UGT1A10: variants seen among roughly 807,000 people sequenced by gnomAD.
The protein encoded by UGT1A10 is UDP-glucuronosyltransferase 1A10.
UGT1A10 carries 49 observed loss-of-function variants against 45.8 expected under a neutral mutation model. The observed-to-expected ratio is 1.07, with a 90% CI of 0.85 to 1.36. The LOEUF is 1.36. UGT1A10 is among the 40% of genes most tolerant of loss of function. The pLI is 0.00. For synonymous variants in UGT1A10, 284 were observed against 249.7 expected, an observed-to-expected ratio of 1.14 and a Z score of -1.29; for missense variants, 745 against 668.6, an observed-to-expected ratio of 1.11 and a Z score of -1.26.
intron 1 of UGT1A10, chr2:233,747,090 C>T (rs999571843): frequency 1.8e-5 from 23 of 1,247,242 alleles, no homozygotes; most frequent in Non-Finnish European, 6.6e-6. Flanking sequence ...GAGGAGAGCA[C>T]TCTATCTTCC....
chr2:233,760,305 G>C (rs745957787), intron 1 of UGT1A10: 19 of 1,613,584 alleles, frequency 1.2e-5, no homozygotes, highest in Non-Finnish European at 1.6e-5. Context: ...TGGAGTCCCA[G>C]GGCGGACGCC....
intron 1 of UGT1A10, among the ~76,000 whole-genome samples, chr2:233,766,038 C>T (rs1161510573): frequency 6.6e-6 from 1 of 152,144 alleles, no homozygotes; most frequent in African/African-American, 2.4e-5. Context: ...CCTCTATAGT[C>T]AGCTTGTGTT....
chr2:233,693,370 C>G (rs770188786), intron 1 of UGT1A10: 1 of 1,614,164 alleles, frequency 6.2e-7, no homozygotes, highest in Non-Finnish European at 8.5e-7. Context: ...TTGGCCTGTA[C>G]TTCATCAACT....
At chr2:233,667,330 T>A (rs1213470492) in intron 1 of UGT1A10, among the ~76,000 whole-genome samples, 3 of 152,232 alleles carry the variant, frequency 2.0e-5, no homozygotes, top group Admixed American at 6.5e-5. Flanking sequence ...GCTAGCCATT[T>A]GTAGAAAGCT....
chr2:233,668,691 A>G (rs1184030117), intron 1 of UGT1A10, among the ~76,000 whole-genome samples: 2 of 152,296 alleles, frequency 1.3e-5, no homozygotes, highest in Non-Finnish European at 1.5e-5. Flanking sequence ...AAGCGTTCCT[A>G]TTTCTCCACA....
At chr2:233,692,979 C>T (rs2075124196) in intron 1 of UGT1A10, 1 of 1,612,844 alleles carries the variant, frequency 6.2e-7, no homozygotes, top group Admixed American at 1.7e-5. Flanking sequence ...CTCTTTATTA[C>T]CGTTGTTACT....
At chr2:233,732,349 T>A (rs1331822531) in intron 1 of UGT1A10, among the ~76,000 whole-genome samples, 1 of 152,014 alleles carries the variant, frequency 6.6e-6, no homozygotes, top group Non-Finnish European at 1.5e-5. Flanking sequence ...GGTGTTTTAG[T>A]CATGAAGTCC....
rs543025960 is a variant in UGT1A10, at chr2:233,648,655, G to A, written c.855+11278G>A. The A allele has an allele frequency of 1.8e-4, 47 of 263,894 alleles. No individual in the cohort carries two copies. The South Asian group carries it at 2.1e-3, about 12-fold the overall frequency. The allele number at this position is 263,894 out of a possible 1,614,324, so 16.3% of individuals were successfully genotyped here. A position where few individuals can be genotyped will look rare whatever the true frequency, so the allele number is the denominator to read the frequency against. On this transcript the variant is annotated intron_variant, in intron 1 of 4. Transcript: ENST00000344644. ...TTTTTTTTGTATTTTTAGTGGAGACGGGGTTTCACCGTGTTAGCCAGGATG... is the reference window on the plus strand; with the variant it reads ...TTTTTTTTGTATTTTTAGTGGAGACAGGGTTTCACCGTGTTAGCCAGGATG...
intron 1 of UGT1A10, among the ~76,000 whole-genome samples, chr2:233,727,594 G>A (rs2077631064): frequency 6.6e-6 from 1 of 152,304 alleles, no homozygotes; most frequent in African/African-American, 2.4e-5. Flanking sequence ...GTTTTAAGGG[G>A]GTTGGAGGAA....
chr2:233,713,508 T>C, intron 1 of UGT1A10: 2 of 1,613,988 alleles, frequency 1.2e-6, no homozygotes, highest in South Asian at 2.2e-5. Context: ...TGTGTTTTTC[T>C]TGAGGAACAT....
intron 1 of UGT1A10, chr2:233,671,807 A>ATTTTTTT: frequency 7.3e-7 from 1 of 1,373,166 alleles, no homozygotes; most frequent in Non-Finnish European, 9.5e-7. Flanking sequence ...TCAGTGACTG[A>ATTTTTTT]TTTTTTTTTT....
intron 1 of UGT1A10, among the ~76,000 whole-genome samples, chr2:233,664,057 A>G (rs1315875476): frequency 6.6e-6 from 1 of 152,178 alleles, no homozygotes; most frequent in Non-Finnish European, 1.5e-5. Flanking sequence ...TCTCAAGTTT[A>G]AAGTTCCACA....
intron 1 of UGT1A10, among the ~76,000 whole-genome samples, chr2:233,748,306 G>A (rs1220013639): frequency 1.3e-5 from 2 of 151,694 alleles, no homozygotes; most frequent in Non-Finnish European, 2.9e-5. Context: ...TTTATCAAAG[G>A]ATGGACTAGG....
At chr2:233,711,086 CTA>C (rs1559357470) in intron 1 of UGT1A10, among the ~76,000 whole-genome samples, 1 of 152,212 alleles carries the variant, frequency 6.6e-6, no homozygotes, top group Non-Finnish European at 1.5e-5. Context: ...GGCTCCAAGT[CTA>C]TCTGTGCAGC....
At chr2:233,695,026 A>G (rs1281152166) in intron 1 of UGT1A10, among the ~76,000 whole-genome samples, 1 of 152,126 alleles carries the variant, frequency 6.6e-6, no homozygotes, top group Non-Finnish European at 1.5e-5. Flanking sequence ...GAACTGCAGT[A>G]TACATTCTTG....
chr2:233,750,918 A>G (rs1308171109), intron 1 of UGT1A10, among the ~76,000 whole-genome samples: 1 of 151,874 alleles, frequency 6.6e-6, no homozygotes, highest in Admixed American at 6.5e-5. Context: ...AGGGTGGTAA[A>G]GAAATGTGAG....
intron 1 of UGT1A10, among the ~76,000 whole-genome samples, chr2:233,708,890 A>G (rs1437583883): frequency 1.3e-5 from 2 of 152,008 alleles, no homozygotes; most frequent in Non-Finnish European, 2.9e-5. Context: ...GAACAATCTC[A>G]GGGGCTATCT....
chr2:233,649,286 A>G (rs1333492953), intron 1 of UGT1A10, among the ~76,000 whole-genome samples: 2 of 152,212 alleles, frequency 1.3e-5, no homozygotes, highest in African/African-American at 2.4e-5. Context: ...GAGTATTGCT[A>G]TGGTGCCCTG....
At chr2:233,650,153 A>G (rs2073703879) in intron 1 of UGT1A10, among the ~76,000 whole-genome samples, 1 of 152,130 alleles carries the variant, frequency 6.6e-6, no homozygotes, top group South Asian at 2.1e-4. Context: ...TAATTTTAGT[A>G]GAGGCAGGGT....
Sources: gnomAD v4.1 joint callset for allele counts (sites outside exome capture counted in the v4.1 genomes callset) on GRCh38, gnomAD v4.1.1 for gene constraint, MANE v1.5 for transcripts, NCBI Gene and HGNC (gene_info 2026-07-23, HGNC 2026-07-21) for gene names.